TLL1: variants seen among roughly 807,000 people sequenced by gnomAD.
The protein encoded by TLL1 is tolloid-like protein 1.
TLL1 carries 49 observed loss-of-function variants against 128.2 expected under a neutral mutation model. That is an observed-to-expected ratio of 0.38 (90% CI 0.30 to 0.48). TLL1 has a LOEUF of 0.48. TLL1 is among the 20% of genes least tolerant of loss of function. The pLI is 0.96. For synonymous variants in TLL1, 454 were observed against 418.8 expected (o/e 1.08, Z -1.03); for missense variants, 1,123 against 1,242.0 (o/e 0.90, Z 1.44).
chr4:166,083,274 A>T (rs1267228121), intron 18 of TLL1, among the ~76,000 whole-genome samples: 1 of 124,386 alleles, frequency 8.0e-6, no homozygotes, highest in Non-Finnish European at 1.9e-5. Flanking sequence ...TCATTGACAG[A>T]TAAAATTGCA....
At chr4:166,024,829 GT>G (rs1273963931) in intron 8 of TLL1, among the ~76,000 whole-genome samples, 1 of 151,396 alleles carries the variant, frequency 6.6e-6, no homozygotes, top group Non-Finnish European at 1.5e-5. Context: ...AAAGTTTATT[GT>G]TTCACATTTT....
chr4:165,980,113 A>T (rs1036593965), intron 1 of TLL1, among the ~76,000 whole-genome samples: 1 of 152,162 alleles, frequency 6.6e-6, no homozygotes, highest in Non-Finnish European at 1.5e-5. Context: ...TTCTGGCTCC[A>T]TGTTTAACAA....
At chr4:165,971,870 T>C (rs912149575) in intron 1 of TLL1, among the ~76,000 whole-genome samples, 1 of 152,242 alleles carries the variant, frequency 6.6e-6, no homozygotes, top group Non-Finnish European at 1.5e-5. Flanking sequence ...AGCAGGACTT[T>C]GTAATGTTAG....
intron 9 of TLL1, among the ~76,000 whole-genome samples, chr4:166,037,813 T>TA (rs78861420): frequency 0.012 from 1,789 of 143,750 alleles, 30 homozygotes; most frequent in Non-Finnish European, 0.012. Flanking sequence ...TGTCTCCAAT[T>TA]AAAAAAAAAA....
chr4:165,879,027 T>C (rs1730858927), intron 1 of TLL1, among the ~76,000 whole-genome samples: 1 of 139,160 alleles, frequency 7.2e-6, no homozygotes, highest in African/African-American at 2.7e-5. Flanking sequence ...CCTCCTAGGC[T>C]CAAGCAATCC....
At chr4:165,975,748 T>C (rs1002190596) in intron 1 of TLL1, among the ~76,000 whole-genome samples, 2 of 151,860 alleles carry the variant, frequency 1.3e-5, no homozygotes, top group Non-Finnish European at 2.9e-5. Flanking sequence ...CTTTAGAAGT[T>C]GTAAGATGAC....
intron 1 of TLL1, among the ~76,000 whole-genome samples, chr4:165,926,381 G>T (rs1024114413): frequency 6.6e-6 from 1 of 152,106 alleles, no homozygotes; most frequent in African/African-American, 2.4e-5. Flanking sequence ...TTTTAAACAC[G>T]CGAGTGACTT....
intron 6 of TLL1, among the ~76,000 whole-genome samples, chr4:166,004,504 G>T (rs1212802295): frequency 3.3e-5 from 5 of 152,050 alleles, no homozygotes; most frequent in Non-Finnish European, 7.4e-5. Flanking sequence ...GATTGCAAGT[G>T]AGTGAGAAAA....
intron 1 of TLL1, among the ~76,000 whole-genome samples, chr4:165,903,470 T>G (rs1336879959): frequency 1.4e-5 from 2 of 146,282 alleles, no homozygotes; most frequent in Admixed American, 6.9e-5. Context: ...TGGGGTGCAG[T>G]GGCACAATCT....
At chr4:165,992,088 A>G (rs887714167) in intron 2 of TLL1, among the ~76,000 whole-genome samples, 1 of 152,008 alleles carries the variant, frequency 6.6e-6, no homozygotes, top group Non-Finnish European at 1.5e-5. Context: ...TAAAATTGCA[A>G]GAACACATAT....
intron 6 of TLL1, among the ~76,000 whole-genome samples, chr4:166,007,323 C>T (rs145821478): frequency 7.0e-4 from 106 of 151,808 alleles, no homozygotes; most frequent in African/African-American, 2.4e-3. Flanking sequence ...AAAGCATTTA[C>T]GTTCTGAAGC....
intron 1 of TLL1, among the ~76,000 whole-genome samples, chr4:165,915,787 C>G (rs954832814): frequency 4.6e-5 from 7 of 152,162 alleles, no homozygotes. Flanking sequence ...ATAGAAAACT[C>G]CACTCTTCAC....
chr4:165,932,336 A>T (rs555357450), intron 1 of TLL1, among the ~76,000 whole-genome samples: 1 of 152,328 alleles, frequency 6.6e-6, no homozygotes, highest in African/African-American at 2.4e-5. Context: ...CTTTATACTG[A>T]GCGTTTCTCA....
Position 166,055,143 on chromosome 4 carries a change from C to A in TLL1, c.1592C>A (p.Pro531His), listed in dbSNP as rs745525443. The change falls in exon 13 of 21, where the codon CCT (proline) becomes CAT (histidine). Residue 531 changes from proline (P) to histidine (H), a missense_variant. Pro to His is a moderately conservative substitution (Grantham distance 77). Transcript: ENST00000061240. Reference sequence around the variant, plus strand: ...AGAGATGGAACCAGTGAAAATAGCCCTTTGATAGGGCGTTTCTGTGGTTAT... The same window carrying A: ...AGAGATGGAACCAGTGAAAATAGCCATTTGATAGGGCGTTTCTGTGGTTAT... ...EVRDGTSENS[P>H]LIGRFCGYDK... 5.6e-6 allele frequency: 9 copies of A among 1,613,244 alleles called. No homozygotes were observed. In the African/African-American group the frequency reaches 1.2e-4, roughly 22 times the overall value.
chr4:166,090,563 T>G (rs1226089372), intron 18 of TLL1, among the ~76,000 whole-genome samples: 1 of 152,098 alleles, frequency 6.6e-6, no homozygotes, highest in Admixed American at 6.6e-5. Context: ...ATTCTAGCAT[T>G]AAGTATTATC....
At chr4:166,062,219 A>G (rs1397496958) in intron 15 of TLL1, among the ~76,000 whole-genome samples, 1 of 152,290 alleles carries the variant, frequency 6.6e-6, no homozygotes, top group Admixed American at 6.5e-5. Context: ...TTGGTTCCAT[A>G]TGAACTTTAA....
At chr4:165,890,157 C>T (rs553295808) in intron 1 of TLL1, among the ~76,000 whole-genome samples, 24 of 152,096 alleles carry the variant, frequency 1.6e-4, no homozygotes, top group South Asian at 6.2e-4. Flanking sequence ...GAGAACAGCA[C>T]GGAGGTAACT....
intron 1 of TLL1, among the ~76,000 whole-genome samples, chr4:165,957,853 C>G (rs1734885481): frequency 1.1e-5 from 1 of 88,084 alleles, no homozygotes; most frequent in South Asian, 5.3e-4. Context: ...CTAATGCTAT[C>G]CCTCCCCCCT....
intron 1 of TLL1, among the ~76,000 whole-genome samples, chr4:165,884,031 A>G (rs1700042438): frequency 6.6e-6 from 1 of 152,208 alleles, no homozygotes; most frequent in African/African-American, 2.4e-5. Context: ...TTCACAATCT[A>G]TGTTTACACA....
Sources: allele counts gnomAD v4.1 joint callset (sites outside exome capture counted in the v4.1 genomes callset), GRCh38; gene constraint gnomAD v4.1.1; transcripts MANE v1.5; gene names NCBI Gene and HGNC (gene_info 2026-07-23, HGNC 2026-07-21).